The following DMC1 variants were observed in gnomAD, a reference collection of about 807,000 sequenced individuals.
DMC1 encodes DNA meiotic recombinase 1, also known as meiotic recombination protein DMC1 homolog.
Under a neutral mutation model 50.1 loss-of-function variants are expected in DMC1, and 27 were observed. The ratio of observed to expected loss-of-function variants is 0.54; its 90% CI spans 0.40 to 0.74. The LOEUF (loss-of-function observed/expected upper bound fraction) is 0.74. Among genes scored for constraint, DMC1 ranks in the 30% least tolerant of loss-of-function variants. The pLI, the probability that DMC1 is intolerant of heterozygous loss-of-function variation, is 0.00. For missense variants in DMC1, 295 were observed against 420.2 expected, an observed-to-expected ratio of 0.70 and a Z score of 2.60; for synonymous variants, 148 against 136.1, an observed-to-expected ratio of 1.09 and a Z score of -0.61.
At chr22:38,546,348 C>T (rs2090344733) in intron 8 of DMC1, among the ~76,000 whole-genome samples, 1 of 152,018 alleles carries the variant, frequency 6.6e-6, no homozygotes, top group Non-Finnish European at 1.5e-5. Flanking sequence ...GAGATCGCAC[C>T]ATTGCACTCC....
At chr22:38,567,489 G>A in intron 3 of DMC1, 94 bp downstream of exon 3, 2 of 1,078,780 alleles carry the variant, frequency 1.9e-6, no homozygotes, top group South Asian at 1.3e-5. Context: ...ACGTCCCCTT[G>A]CAACAAAGAA....
At position 38,519,065 on chromosome 22, in the gene DMC1, T is replaced by C. The variant is rs570806475; in HGVS notation, c.*955A>G. Reference sequence around the variant, plus strand: ...ATTAATTTTAACATTTTAAAAAAGTTTTTTTTTTTTTTTTGAGACGGAGTC... The same window carrying C: ...ATTAATTTTAACATTTTAAAAAAGTCTTTTTTTTTTTTTTGAGACGGAGTC... On this transcript the variant is annotated 3_prime_UTR_variant, in exon 14 of 14. Transcript: ENST00000216024. The C allele has an allele frequency of 7.9e-6, 1 of 125,870 alleles. No homozygotes were observed. The highest frequency in any genetic ancestry group is 4.3e-5 in the African/African-American group (1 of 23,028). 7.8% of individuals were successfully genotyped at this position (125,870 alleles called of 1,614,324 possible).
At chr22:38,550,123 C>T (rs1458357336) in intron 7 of DMC1, 126 bp from the exon 8 acceptor site, 2 of 675,826 alleles carry the variant, frequency 3.0e-6, no homozygotes, top group African/African-American at 1.8e-5. Flanking sequence ...ATGATCCTTT[C>T]GTTTCTAAAC....
chr22:38,516,417 T>G (rs997190616), downstream of DMC1, among the ~76,000 whole-genome samples: 1 of 152,186 alleles, frequency 6.6e-6, no homozygotes, highest in African/African-American at 2.4e-5. Flanking sequence ...AGAAAAATTC[T>G]CTGAATTTCA....
intron 12 of DMC1, among the ~76,000 whole-genome samples, chr22:38,525,930 C>T (rs2090082937): frequency 6.6e-6 from 1 of 150,926 alleles, no homozygotes; most frequent in South Asian, 2.1e-4. Context: ...GCCTGGGTGA[C>T]AGAGCAAGAC....
At position 38,539,367 on chromosome 22, in the gene DMC1, G is replaced by A. The variant is rs1421783021; in HGVS notation, c.540C>T (p.Asp180=). 5 of 1,614,022 alleles carry A rather than the reference G, an allele frequency of 3.1e-6. No individual in the cohort carries two copies. The East Asian group carries it at 1.1e-4, about 36-fold the overall frequency. ...GTACGTTGTCCAGTACTGCATCATG[G>A]TCTACATTAAAGCGATCAGCAATGT... The part of the protein sequence containing the change: ...LRDIADRFNV[D]HDAVLDNVLY... Residue 180 remains aspartate (D), a synonymous_variant, in exon 9 of 14, where the codon GAC becomes GAT. Transcript: ENST00000216024.
intron 4 of DMC1, 49 bp from the exon 5 acceptor site, chr22:38,562,418 T>A: frequency 7.4e-7 from 1 of 1,351,658 alleles, no homozygotes. Flanking sequence ...AAGATCATGG[T>A]TGTATTTTCA....
chr22:38,568,974 C>T (rs2090609858), intron 1 of DMC1, among the ~76,000 whole-genome samples: 1 of 151,906 alleles, frequency 6.6e-6, no homozygotes, highest in Admixed American at 6.6e-5. Flanking sequence ...AGGCAGATCA[C>T]GAGGTCAGGA....
At chr22:38,530,623 T>C (rs1426173977) in intron 12 of DMC1, among the ~76,000 whole-genome samples, 5 of 152,134 alleles carry the variant, frequency 3.3e-5, no homozygotes, top group South Asian at 2.1e-4. Context: ...TGGTAAGTAA[T>C]CAATAAACAT....
intron 8 of DMC1, among the ~76,000 whole-genome samples, chr22:38,539,724 A>T (rs2090259910): frequency 1.3e-5 from 2 of 152,244 alleles, no homozygotes; most frequent in South Asian, 4.1e-4. Flanking sequence ...TTTACAACGT[A>T]AGACACTGGC....
Position 38,519,287 on chromosome 22 carries a change from C to G in DMC1, c.*733G>C, listed in dbSNP as rs2089998514. The G allele has an allele frequency of 6.6e-6, 1 of 152,108 alleles. No individual in the cohort carries two copies. Among genetic ancestry groups the G allele is most frequent in the Non-Finnish European group, 1.5e-5 (1 of 68,092 alleles). 9.4% of individuals were successfully genotyped at this position (152,108 alleles called of 1,614,324 possible). On this transcript the variant is annotated 3_prime_UTR_variant, in exon 14 of 14. Transcript: ENST00000216024. ...ATGTTGGCCAGGCTGGTCTTGAACT[C>G]CTGACCTCAAGTGATCCACCTGCCT...
At chr22:38,558,079 A>T (rs2090487866) in intron 5 of DMC1, among the ~76,000 whole-genome samples, 1 of 146,758 alleles carries the variant, frequency 6.8e-6, no homozygotes, top group Non-Finnish European at 1.5e-5. Flanking sequence ...TCTCTGCATC[A>T]GCCTCCTGAG....
chr22:38,569,273 T>C (rs2146050385), intron 1 of DMC1: 1 of 151,880 alleles, frequency 6.6e-6, no homozygotes, highest in African/African-American at 2.4e-5. Flanking sequence ...CAAAAAGAAA[T>C]CTCAGGAATC....
intron 8 of DMC1, among the ~76,000 whole-genome samples, chr22:38,542,836 G>A (rs1256358857): frequency 6.6e-6 from 1 of 152,100 alleles, no homozygotes; most frequent in East Asian, 1.9e-4. Flanking sequence ...AAACAGCACG[G>A]TATGGGCATA....
chr22:38,538,472 T>C lies in DMC1; in HGVS notation c.661-63A>G, dbSNP rs4987166. 6,612 of 1,601,144 alleles carry C rather than the reference T, an allele frequency of 4.1e-3. 209 individuals carry two copies. The African/African-American group carries it at 0.07, about 17-fold the overall frequency. On this transcript the variant is annotated intron_variant, in intron 10 of 13. Coordinates refer to ENST00000216024, the MANE Select transcript of DMC1 (RefSeq NM_007068.4). ...AAATTGAAGGAAGACGTTATTTGAA[T>C]AGAGATCAATAGAAGAAAAATATTA...
At chr22:38,518,272 G>A (rs941244099), downstream of DMC1, among the ~76,000 whole-genome samples, 2 of 152,006 alleles carry the variant, frequency 1.3e-5, no homozygotes, top group African/African-American at 4.8e-5. Flanking sequence ...GCACCCAGCA[G>A]AATTTTACTT....
At chr22:38,563,013 C>T (rs1306124404) in intron 4 of DMC1, among the ~76,000 whole-genome samples, 1 of 152,180 alleles carries the variant, frequency 6.6e-6, no homozygotes, top group Non-Finnish European at 1.5e-5. Context: ...AGGTGATCCA[C>T]CTGCCTTGGC....
intron 12 of DMC1, among the ~76,000 whole-genome samples, chr22:38,521,991 C>T (rs537236920): frequency 1.1e-4 from 16 of 151,320 alleles, no homozygotes; most frequent in East Asian, 3.9e-4. Flanking sequence ...CTAGCTGTGT[C>T]GCCCAGGCTG....
At chr22:38,568,447 T>C in intron 1 of DMC1, 158 bp from the exon 2 acceptor site, 8 of 636,662 alleles carry the variant, frequency 1.3e-5, no homozygotes, top group South Asian at 9.2e-5. Flanking sequence ...TGTGACATTA[T>C]TTCTTGTGTG....
Sources: gnomAD v4.1 joint callset for allele counts (sites outside exome capture counted in the v4.1 genomes callset) on GRCh38, gnomAD v4.1.1 for gene constraint, MANE v1.5 for transcripts, NCBI Gene and HGNC (gene_info 2026-07-23, HGNC 2026-07-21) for gene names.